ACYP2: variants seen among roughly 807,000 people sequenced by gnomAD.
ACYP2 encodes the protein acylphosphatase-2.
A neutral mutation model predicts 11.2 loss-of-function variants in ACYP2; 12 were observed. The ratio of observed to expected loss-of-function variants is 1.08; its 90% CI spans 0.69 to 1.74. The LOEUF (loss-of-function observed/expected upper bound fraction) is 1.74, where lower values mean the gene tolerates loss of function less well. Among genes scored for constraint, ACYP2 ranks in the 40% most tolerant of loss-of-function variants. The pLI, the probability that ACYP2 is intolerant of heterozygous loss-of-function variation, is 0.00. For missense variants in ACYP2, 134 were observed against 101.9 expected (o/e 1.31, Z -1.35); for synonymous variants, 43 against 32.2 (o/e 1.33, Z -1.13).
At chr2:54,030,163 C>T (rs911556638) in intron 2 of ACYP2, among the ~76,000 whole-genome samples, 8 of 152,100 alleles carry the variant, frequency 5.3e-5, no homozygotes, top group African/African-American at 1.7e-4. Context: ...ACTGTGGGGG[C>T]CCCAGGACCT....
intron 2 of ACYP2, among the ~76,000 whole-genome samples, chr2:54,017,873 AT>A (rs957365707): frequency 6.6e-6 from 1 of 151,046 alleles, no homozygotes; most frequent in Non-Finnish European, 1.5e-5. Flanking sequence ...GTATTTAAAA[AT>A]TTTTTTTTCA....
At chr2:54,176,975 C>T (rs994994958) in intron 6 of ACYP2, among the ~76,000 whole-genome samples, 1 of 152,192 alleles carries the variant, frequency 6.6e-6, no homozygotes, top group Non-Finnish European at 1.5e-5. Context: ...GCACTCTTCC[C>T]AAGGGCACTT....
At chr2:54,273,261 G>A (rs77876441) in intron 6 of ACYP2, among the ~76,000 whole-genome samples, 1,561 of 152,252 alleles carry the variant, frequency 0.01, 26 homozygotes, top group African/African-American at 0.035. Context: ...TTATGTTCTC[G>A]TCTGTAATTT....
At chr2:54,151,187 A>G (rs1218933723) in intron 6 of ACYP2, among the ~76,000 whole-genome samples, 1 of 152,228 alleles carries the variant, frequency 6.6e-6, no homozygotes, top group African/African-American at 2.4e-5. Flanking sequence ...TTTGTGTGAA[A>G]TATGAAATTT....
intron 6 of ACYP2, among the ~76,000 whole-genome samples, chr2:54,188,398 A>T (rs1684102013): frequency 6.6e-6 from 1 of 152,196 alleles, no homozygotes; most frequent in Admixed American, 6.5e-5. Context: ...CCTTGAAATC[A>T]TATTTTTTAA....
intron 2 of ACYP2, among the ~76,000 whole-genome samples, chr2:53,997,092 G>C (rs1052371110): frequency 2.6e-5 from 4 of 152,218 alleles, no homozygotes; most frequent in East Asian, 3.9e-4. Flanking sequence ...TGTATTTACA[G>C]ATCTCTTGTT....
intron 6 of ACYP2, among the ~76,000 whole-genome samples, chr2:54,225,499 CA>C (rs1007019227): frequency 1.3e-5 from 2 of 151,762 alleles, no homozygotes; most frequent in Non-Finnish European, 2.9e-5. Context: ...ACAGTTTTGT[CA>C]TGTTTTAGGA....
chr2:54,242,996 C>A (rs1243536003), intron 6 of ACYP2, among the ~76,000 whole-genome samples: 1 of 152,114 alleles, frequency 6.6e-6, no homozygotes. Flanking sequence ...TTTTTTCTTA[C>A]CATTATAAGA....
At chr2:54,092,465 T>C (rs1350903325) in intron 4 of ACYP2, among the ~76,000 whole-genome samples, 1 of 152,158 alleles carries the variant, frequency 6.6e-6, no homozygotes, top group South Asian at 2.1e-4. Context: ...ATAATCAGCC[T>C]TGGAACAGGG....
chr2:54,208,315 T>C (rs188497971), intron 6 of ACYP2, among the ~76,000 whole-genome samples: 97 of 152,312 alleles, frequency 6.4e-4, no homozygotes, highest in East Asian at 7.7e-4. Flanking sequence ...AATAACATAC[T>C]ACCCTTAGTC....
At chr2:54,015,519 G>T (rs1673630308) in intron 2 of ACYP2, among the ~76,000 whole-genome samples, 1 of 151,880 alleles carries the variant, frequency 6.6e-6, no homozygotes, top group South Asian at 2.1e-4. Context: ...GTATGGTGGT[G>T]TGTGCCTGTA....
chr2:53,973,076 AGAG>A (rs1558444522), intron 1 of ACYP2, among the ~76,000 whole-genome samples: 2 of 152,188 alleles, frequency 1.3e-5, no homozygotes, highest in Admixed American at 6.5e-5. Flanking sequence ...AAAAGCAGAG[AGAG>A]GAGGAGTTCT....
At chr2:54,247,112 G>A (rs573837517) in intron 6 of ACYP2, among the ~76,000 whole-genome samples, 5 of 152,200 alleles carry the variant, frequency 3.3e-5, no homozygotes, top group East Asian at 1.9e-4. Context: ...TTATAGCAGC[G>A]TTTTTTGGGG....
chr2:54,114,561 G>T (rs1679641727), intron 4 of ACYP2, among the ~76,000 whole-genome samples: 1 of 152,130 alleles, frequency 6.6e-6, no homozygotes, highest in Non-Finnish European at 1.5e-5. Flanking sequence ...GCGCATGCCT[G>T]TAATCCCAGC....
At chr2:54,026,887 GGACTTTA>G (rs1458957902) in intron 2 of ACYP2, among the ~76,000 whole-genome samples, 1 of 152,018 alleles carries the variant, frequency 6.6e-6, no homozygotes, top group African/African-American at 2.4e-5. Context: ...ATGATACAAT[GGACTTTA>G]GGGACTTGGG....
At chr2:54,285,880 A>G (rs1341150748) in intron 6 of ACYP2, among the ~76,000 whole-genome samples, 3 of 152,206 alleles carry the variant, frequency 2.0e-5, no homozygotes, top group African/African-American at 7.2e-5. Context: ...ATGGAGGACA[A>G]CATCCTAGAA....
intron 3 of ACYP2, chr2:54,051,328 GT>G: frequency 1.3e-6 from 1 of 764,520 alleles, no homozygotes; most frequent in Non-Finnish European, 2.4e-6. Context: ...ACTTCTCAGA[GT>G]TTTTAAGAAG....
intron 6 of ACYP2, among the ~76,000 whole-genome samples, chr2:54,158,008 T>C (rs1214898220): frequency 1.3e-5 from 2 of 151,794 alleles, no homozygotes; most frequent in African/African-American, 4.8e-5. Flanking sequence ...TTGGCCTGCT[T>C]TTCTTTCTTT....
chr2:54,224,139 T>G (rs1042536353), intron 6 of ACYP2, among the ~76,000 whole-genome samples: 4 of 152,184 alleles, frequency 2.6e-5, no homozygotes, highest in Non-Finnish European at 5.9e-5. Flanking sequence ...ATTATTTTGA[T>G]GTAGGATTTT....
Sources: allele counts gnomAD v4.1 joint callset (sites outside exome capture counted in the v4.1 genomes callset), GRCh38; gene constraint gnomAD v4.1.1; transcripts MANE v1.5; gene names NCBI Gene and HGNC (gene_info 2026-07-23, HGNC 2026-07-21).